Variants in FHIP1A observed in about 807,000 individuals in gnomAD.
FHIP1A encodes the protein FHF complex subunit HOOK interacting protein 1A.
FHIP1A carries 61 observed loss-of-function variants against 88.6 expected under a neutral mutation model. The observed-to-expected ratio is 0.69, with a 90% CI of 0.56 to 0.85. The LOEUF (loss-of-function observed/expected upper bound fraction) is 0.85, where lower values mean the gene tolerates loss of function less well. Among genes scored for constraint, FHIP1A ranks in the 40% least tolerant of loss-of-function variants. The pLI, the probability that FHIP1A is intolerant of heterozygous loss-of-function variation, is 0.00. For missense variants in FHIP1A, 1,154 were observed against 1,273.5 expected (o/e 0.91, Z 1.43); for synonymous variants, 478 against 496.0 (o/e 0.96, Z 0.48).
At chr4:151,652,338 C>A (rs1192164784) in intron 11 of FHIP1A, among the ~76,000 whole-genome samples, 1 of 152,216 alleles carries the variant, frequency 6.6e-6, no homozygotes, top group Non-Finnish European at 1.5e-5. Flanking sequence ...AAACATCTCT[C>A]TTTCCATGTA....
intron 2 of FHIP1A, among the ~76,000 whole-genome samples, chr4:151,480,596 A>G (rs1413462044): frequency 6.6e-6 from 1 of 152,082 alleles, no homozygotes; most frequent in Non-Finnish European, 1.5e-5. Context: ...CCTTGCGATT[A>G]AATGGCCAGA....
chr4:151,441,323 CTT>C (rs138231798), intron 1 of FHIP1A, among the ~76,000 whole-genome samples: 18 of 142,762 alleles, frequency 1.3e-4, no homozygotes, highest in Admixed American at 1.4e-4. Context: ...GTCCTTTCTA[CTT>C]TTTTTTTTTT....
intron 3 of FHIP1A, among the ~76,000 whole-genome samples, chr4:151,520,087 T>C (rs901701355): frequency 3.9e-5 from 6 of 152,198 alleles, no homozygotes; most frequent in African/African-American, 1.4e-4. Context: ...TTAATTTTGA[T>C]AAAGTAATCT....
chr4:151,582,630 G>A (rs1734067635), intron 5 of FHIP1A, among the ~76,000 whole-genome samples: 1 of 152,118 alleles, frequency 6.6e-6, no homozygotes, highest in Admixed American at 6.6e-5. Context: ...TATCCTTGTG[G>A]TTTTACATGG....
At position 151,649,990 on chromosome 4, in the gene FHIP1A, A is replaced by G; in HGVS notation, c.1949A>G (p.Glu650Gly). 1 of 1,551,618 alleles carries G rather than the reference A, an allele frequency of 6.4e-7. No homozygotes were observed. The highest frequency in any genetic ancestry group is 1.7e-4 in the Middle Eastern group (1 of 5,992). ...DDVMVYRLCAEKDSEDMKDSQ... is the reference protein window; with the variant it reads ...DDVMVYRLCAGKDSEDMKDSQ... ...GTGATGGTGTACAGGCTGTGTGCTG[A>G]GAAGGACTCCGAGGACATGAAGGAT... Residue 650 changes from glutamate to glycine, a missense_variant, in exon 11 of 14, where the codon GAG (glutamate) becomes GGG (glycine). Glu to Gly is a moderately conservative substitution (Grantham distance 98). Transcript: ENST00000435205.
At chr4:151,421,818 T>C (rs894855816) in intron 1 of FHIP1A, among the ~76,000 whole-genome samples, 3 of 152,050 alleles carry the variant, frequency 2.0e-5, no homozygotes, top group Non-Finnish European at 2.9e-5. Flanking sequence ...GCCTTTGTAA[T>C]AGCCACACCA....
intron 3 of FHIP1A, among the ~76,000 whole-genome samples, chr4:151,550,193 A>G (rs1401611267): frequency 3.3e-5 from 5 of 152,166 alleles, no homozygotes; most frequent in African/African-American, 1.2e-4. Context: ...CACATAATAG[A>G]TAATGGGGTA....
intron 7 of FHIP1A, among the ~76,000 whole-genome samples, chr4:151,597,477 A>T (rs1292240733): frequency 6.6e-6 from 1 of 152,092 alleles, no homozygotes; most frequent in Non-Finnish European, 1.5e-5. Flanking sequence ...CCCTGCTGGG[A>T]GGTGTCTCCC....
intron 1 of FHIP1A, among the ~76,000 whole-genome samples, chr4:151,411,736 T>G (rs942070213): frequency 3.9e-5 from 6 of 152,194 alleles, no homozygotes; most frequent in Non-Finnish European, 8.8e-5. Flanking sequence ...TTTAATCTGT[T>G]TAGACACTTG....
intron 7 of FHIP1A, among the ~76,000 whole-genome samples, chr4:151,610,387 G>A (rs1305605112): frequency 2.6e-5 from 4 of 152,162 alleles, no homozygotes; most frequent in Non-Finnish European, 5.9e-5. Flanking sequence ...TCTAAGAAGA[G>A]GCTCTGTGTA....
intron 3 of FHIP1A, among the ~76,000 whole-genome samples, chr4:151,494,967 T>C (rs556064746): frequency 2.6e-5 from 4 of 152,336 alleles, no homozygotes; most frequent in African/African-American, 9.6e-5. Context: ...TATTCTTGCT[T>C]TGGCTTTCAA....
In FHIP1A at chr4:151,664,127, C is replaced by T. The variant is rs566178613; in HGVS notation, c.*1373C>T. 1.7e-4 allele frequency among the ~76,000 whole-genome samples: 26 copies of T among 152,276 alleles called. No homozygotes were observed. Among genetic ancestry groups the T allele is most frequent in the South Asian group, 4.2e-4 (2 of 4,818 alleles). ...AGTTCTGCAGGTGCGAAGCAAGTAA[C>T]GAGCTTGAGCCTGCCTGTTTGGAAG... On this transcript the variant is annotated 3_prime_UTR_variant, in exon 14 of 14. Transcript: ENST00000435205.
intron 3 of FHIP1A, among the ~76,000 whole-genome samples, chr4:151,515,420 T>C (rs1731194703): frequency 6.6e-6 from 1 of 151,892 alleles, no homozygotes; most frequent in Non-Finnish European, 1.5e-5. Context: ...CTCTCACCAC[T>C]CCTATTCAAA....
At chr4:151,662,008 C>T (rs1377089877) in intron 13 of FHIP1A, among the ~76,000 whole-genome samples, 1 of 152,228 alleles carries the variant, frequency 6.6e-6, no homozygotes, top group African/African-American at 2.4e-5. Context: ...GGAGCACCCG[C>T]TGCAGAGAGC....
At chr4:151,526,591 G>A (rs1269017760) in intron 3 of FHIP1A, among the ~76,000 whole-genome samples, 11 of 141,758 alleles carry the variant, frequency 7.8e-5, no homozygotes, top group African/African-American at 1.6e-4. Flanking sequence ...CTCCCGGACG[G>A]GGCGGCTGGC....
chr4:151,496,564 T>G (rs543940674), intron 3 of FHIP1A, among the ~76,000 whole-genome samples: 44 of 152,200 alleles, frequency 2.9e-4, no homozygotes, highest in African/African-American at 9.6e-4. Context: ...TTATTAATTA[T>G]TTGAGATAGA....
intron 1 of FHIP1A, among the ~76,000 whole-genome samples, chr4:151,440,183 C>T (rs1728351685): frequency 1.3e-5 from 2 of 152,152 alleles, no homozygotes; most frequent in Admixed American, 1.3e-4. Flanking sequence ...CACTCACTAT[C>T]ATGAGAACAG....
At chr4:151,595,009 T>A (rs1008377935) in intron 7 of FHIP1A, among the ~76,000 whole-genome samples, 4 of 152,252 alleles carry the variant, frequency 2.6e-5, no homozygotes, top group Admixed American at 2.6e-4. Flanking sequence ...GAAGAGTTTT[T>A]CATGTCTCTA....
At chr4:151,565,692 T>A (rs1453952857) in intron 3 of FHIP1A, among the ~76,000 whole-genome samples, 2 of 152,102 alleles carry the variant, frequency 1.3e-5, no homozygotes, top group African/African-American at 4.8e-5. Flanking sequence ...TTCCTGTTAC[T>A]GAGTGTTTTT....
Sources: gnomAD v4.1 joint callset for allele counts (sites outside exome capture counted in the v4.1 genomes callset) on GRCh38, gnomAD v4.1.1 for gene constraint, MANE v1.5 for transcripts, NCBI Gene and HGNC (gene_info 2026-07-23, HGNC 2026-07-21) for gene names.